Variants in PPARGC1A observed in about 807,000 individuals in gnomAD.
PPARGC1A encodes the protein PPARG coactivator 1 alpha.
Under a neutral mutation model 88.7 loss-of-function variants are expected in PPARGC1A, and 25 were observed. That is an observed-to-expected ratio of 0.28 (90% confidence interval 0.21 to 0.39). The LOEUF (loss-of-function observed/expected upper bound fraction) is 0.39. PPARGC1A is among the 10% of genes least tolerant of loss of function. The probability of loss-of-function intolerance (pLI) is 1.00; values close to 1 mark genes in which losing one functional copy is unlikely to be tolerated. For synonymous variants in PPARGC1A, 363 were observed against 355.6 expected, an observed-to-expected ratio of 1.02 and a Z score of -0.24; for missense variants, 880 against 968.7, an observed-to-expected ratio of 0.91 and a Z score of 1.22.
At chr4:24,111,685 G>A in the PPARGC1A span, among the ~76,000 whole-genome samples, 156 of 152,298 alleles carry the variant, frequency 1.0e-3, no homozygotes, top group South Asian at 1.7e-3. Flanking sequence ...TTCCAAGATT[G>A]TAAATTGCAC....
At chr4:23,949,518 G>A in the PPARGC1A span, among the ~76,000 whole-genome samples, 1 of 152,162 alleles carries the variant, frequency 6.6e-6, no homozygotes, top group African/African-American at 2.4e-5. Flanking sequence ...CCAGGACATC[G>A]AGGTTATCCT....
chr4:24,337,483 CT>C, the PPARGC1A span, among the ~76,000 whole-genome samples: 2 of 152,110 alleles, frequency 1.3e-5, no homozygotes, highest in African/African-American at 4.8e-5. Context: ...GAAAATAAGT[CT>C]GGTGGGGCGA....
At chr4:23,937,591 T>C in the PPARGC1A span, among the ~76,000 whole-genome samples, 5 of 152,210 alleles carry the variant, frequency 3.3e-5, no homozygotes, top group African/African-American at 7.2e-5. Context: ...TTTCAACATT[T>C]TTTTTCCTAT....
chr4:24,273,631 C>T, the PPARGC1A span, among the ~76,000 whole-genome samples: 2 of 151,834 alleles, frequency 1.3e-5, no homozygotes, highest in Non-Finnish European at 2.9e-5. Context: ...GAGACAAAAA[C>T]AACCAGGCCC....
the PPARGC1A span, among the ~76,000 whole-genome samples, chr4:24,300,287 TCC>T: frequency 6.7e-5 from 10 of 150,254 alleles, no homozygotes; most frequent in African/African-American, 2.5e-4. Context: ...GGGTTTTTTT[TCC>T]TCCTTTAAGC....
the PPARGC1A span, among the ~76,000 whole-genome samples, chr4:24,026,962 A>G: frequency 6.6e-6 from 1 of 152,156 alleles, no homozygotes; most frequent in Non-Finnish European, 1.5e-5. Flanking sequence ...ACACCTAAAT[A>G]TAAATTAAGC....
chr4:23,868,162 G>A (rs1712456893), intron 2 of PPARGC1A, among the ~76,000 whole-genome samples: 1 of 152,108 alleles, frequency 6.6e-6, no homozygotes, highest in Non-Finnish European at 1.5e-5. Context: ...AATGCTCTAT[G>A]TCTTCAGTAG....
chr4:23,989,727 T>C, the PPARGC1A span, among the ~76,000 whole-genome samples: 2 of 151,926 alleles, frequency 1.3e-5, no homozygotes, highest in African/African-American at 4.8e-5. Context: ...TAAAGTTTTC[T>C]GTAGAAAGAA....
the PPARGC1A span, among the ~76,000 whole-genome samples, chr4:24,470,932 G>A: frequency 6.6e-6 from 1 of 151,566 alleles, no homozygotes; most frequent in Admixed American, 6.6e-5. This position sits in a 1 kb window ranked among gnomAD's most constrained non-coding sequence, Gnocchi z 5.8. Flanking sequence ...GTGATGCGGA[G>A]GCGGCGGCGG....
the PPARGC1A span, among the ~76,000 whole-genome samples, chr4:24,434,851 C>T: frequency 6.6e-6 from 1 of 152,210 alleles, no homozygotes; most frequent in Non-Finnish European, 1.5e-5. Flanking sequence ...TCATCCACCT[C>T]GTGGGGAGAA....
chr4:24,420,018 ATTC>A, the PPARGC1A span, among the ~76,000 whole-genome samples: 1 of 152,212 alleles, frequency 6.6e-6, no homozygotes, highest in Non-Finnish European at 1.5e-5. Flanking sequence ...CAGTAATGAG[ATTC>A]TTCTTTTCTC....
chr4:23,890,282 G>T (rs1255365458), upstream of PPARGC1A: 1 of 281,052 alleles, frequency 3.6e-6, no homozygotes, highest in East Asian at 7.4e-5. Context: ...ACTTTTGGAG[G>T]CTTCAAGCAT....
intron 2 of PPARGC1A, among the ~76,000 whole-genome samples, chr4:23,872,019 G>A (rs1275501874): frequency 6.6e-6 from 1 of 152,058 alleles, no homozygotes; most frequent in Non-Finnish European, 1.5e-5. Context: ...CCCCTGAATA[G>A]CATTACCCCA....
chr4:23,944,825 G>A, the PPARGC1A span, among the ~76,000 whole-genome samples: 1 of 152,266 alleles, frequency 6.6e-6, no homozygotes, highest in Middle Eastern at 3.4e-3. Context: ...TGCCATGACT[G>A]TAAGTTTCCT....
At chr4:24,305,011 C>A in the PPARGC1A span, among the ~76,000 whole-genome samples, 7 of 151,946 alleles carry the variant, frequency 4.6e-5, no homozygotes, top group Admixed American at 3.3e-4. Flanking sequence ...AGTCCCTGCC[C>A]TCTTGAAACT....
chr4:24,390,171 C>T, the PPARGC1A span, among the ~76,000 whole-genome samples: 1 of 151,768 alleles, frequency 6.6e-6, no homozygotes, highest in Non-Finnish European at 1.5e-5. Context: ...TATGATTATT[C>T]CCCAGACAAG....
At chr4:24,371,016 T>TGA in the PPARGC1A span, among the ~76,000 whole-genome samples, 1 of 151,976 alleles carries the variant, frequency 6.6e-6, no homozygotes, top group South Asian at 2.1e-4. Flanking sequence ...CACTTACGAG[T>TGA]GAGAACACAT....
chr4:23,844,705 T>C (rs1727836149), intron 2 of PPARGC1A, among the ~76,000 whole-genome samples: 1 of 101,326 alleles, frequency 9.9e-6, no homozygotes, highest in Non-Finnish European at 1.7e-5. Context: ...TGATCTATCA[T>C]AATATATGAT....
the PPARGC1A span, among the ~76,000 whole-genome samples, chr4:23,943,373 T>C: frequency 1.8e-5 from 2 of 108,938 alleles, no homozygotes; most frequent in East Asian, 5.7e-4. Flanking sequence ...TCCAGATAAA[T>C]TAAAAGGTTT....
Sources: gnomAD v4.1 joint callset for allele counts (sites outside exome capture counted in the v4.1 genomes callset) on GRCh38, gnomAD v4.1.1 for gene constraint, Gnocchi (gnomAD v3.1) non-coding constraint, MANE v1.5 for transcripts, NCBI Gene and HGNC (gene_info 2026-07-23, HGNC 2026-07-21) for gene names.